Variants in DYM observed in about 807,000 individuals in gnomAD.
The protein encoded by DYM is dymeclin.
Under a neutral mutation model 93.1 loss-of-function variants are expected in DYM, and 78 were observed. The observed-to-expected ratio is 0.84, with a 90% CI of 0.70 to 1.01. The LOEUF is 1.01. Ranked by LOEUF, DYM falls within the 50% of genes least tolerant of loss-of-function variation. DYM has a pLI of 0.00. For missense variants in DYM, 789 were observed against 845.0 expected (o/e 0.93, Z 0.82); for synonymous variants, 321 against 319.7 (o/e 1.00, Z -0.04).
intron 15 of DYM, among the ~76,000 whole-genome samples, chr18:49,156,770 A>C (rs2086503255): frequency 6.7e-6 from 1 of 149,924 alleles, no homozygotes; most frequent in African/African-American, 2.5e-5. Context: ...GGAAGACAGC[A>C]TTTCTACCTA....
intron 8 of DYM, among the ~76,000 whole-genome samples, chr18:49,319,671 CTG>C (rs1289977399): frequency 1.3e-5 from 2 of 152,158 alleles, no homozygotes; most frequent in African/African-American, 4.8e-5. Context: ...AATGAGGAAA[CTG>C]GGGCTCAGCA....
intron 14 of DYM, chr18:49,208,786 A>G (rs1414817239): frequency 6.6e-6 from 1 of 152,140 alleles, no homozygotes; most frequent in Non-Finnish European, 1.5e-5. Flanking sequence ...CTAACAGTAT[A>G]GTGCTGGTAT....
intron 14 of DYM, among the ~76,000 whole-genome samples, chr18:49,181,402 AC>A (rs1167429220): frequency 1.3e-5 from 2 of 152,128 alleles, no homozygotes; most frequent in Non-Finnish European, 2.9e-5. Flanking sequence ...CGAGACACAA[AC>A]CAGCTGGTTT....
At chr18:49,233,695 A>G (rs2093776828) in intron 13 of DYM, among the ~76,000 whole-genome samples, 1 of 151,974 alleles carries the variant, frequency 6.6e-6, no homozygotes, top group Admixed American at 6.6e-5. Context: ...ACACTAACAG[A>G]TTTTTTTTAG....
At chr18:49,152,996 T>C (rs955273416) in intron 15 of DYM, among the ~76,000 whole-genome samples, 2 of 152,102 alleles carry the variant, frequency 1.3e-5, no homozygotes, top group Non-Finnish European at 2.9e-5. Context: ...GGAACAAACT[T>C]TCAGTTATGT....
intron 3 of DYM, among the ~76,000 whole-genome samples, chr18:49,387,275 A>C (rs2068723996): frequency 6.8e-6 from 1 of 148,050 alleles, no homozygotes; most frequent in African/African-American, 2.5e-5. Flanking sequence ...CTAATCAGTG[A>C]TCTCGTTTGT....
intron 14 of DYM, among the ~76,000 whole-genome samples, chr18:49,203,374 C>T (rs1382434306): frequency 3.1e-5 from 4 of 131,058 alleles, no homozygotes; most frequent in African/African-American, 9.1e-5. Flanking sequence ...TCATTGAGAA[C>T]GGGCCAGGAT....
intron 17 of DYM, among the ~76,000 whole-genome samples, chr18:49,080,230 C>T (rs2077753960): frequency 8.2e-6 from 1 of 122,046 alleles, no homozygotes; most frequent in African/African-American, 3.1e-5. Context: ...ACCTCCCTCT[C>T]GGACGGGGCG....
At chr18:49,354,401 G>A (rs1472950723) in intron 6 of DYM, among the ~76,000 whole-genome samples, 2 of 152,014 alleles carry the variant, frequency 1.3e-5, no homozygotes, top group Non-Finnish European at 2.9e-5. Context: ...TTCCTACTCT[G>A]TGAAAGACAT....
At chr18:49,323,450 T>C (rs1201703745) in intron 8 of DYM, among the ~76,000 whole-genome samples, 1 of 152,230 alleles carries the variant, frequency 6.6e-6, no homozygotes, top group Non-Finnish European at 1.5e-5. Flanking sequence ...TCAAAATTCC[T>C]ATCTTGAAGC....
At chr18:49,111,113 A>T (rs1038491219) in intron 16 of DYM, among the ~76,000 whole-genome samples, 3 of 152,078 alleles carry the variant, frequency 2.0e-5, no homozygotes, top group African/African-American at 7.3e-5. Context: ...AAAGGTTGGT[A>T]TATGTCTTCT....
intron 13 of DYM, among the ~76,000 whole-genome samples, chr18:49,217,960 A>T (rs2093157598): frequency 6.6e-6 from 1 of 152,230 alleles, no homozygotes; most frequent in Non-Finnish European, 1.5e-5. Flanking sequence ...ACAGACTGGC[A>T]AATTGGATAA....
intron 14 of DYM, among the ~76,000 whole-genome samples, chr18:49,175,693 T>C (rs2089295505): frequency 6.6e-6 from 1 of 152,182 alleles, no homozygotes; most frequent in Non-Finnish European, 1.5e-5. Context: ...TGACTAGCAG[T>C]ACACAGCATA....
At chr18:49,321,357 CCAT>C (rs1251708574) in intron 8 of DYM, 1 of 398,032 alleles carries the variant, frequency 2.5e-6, no homozygotes, top group Non-Finnish European at 4.4e-6. Context: ...ATGAAAGAGG[CCAT>C]CAGTCTTCCC....
chr18:49,149,773 C>G (rs2085610086), intron 15 of DYM, among the ~76,000 whole-genome samples: 1 of 125,128 alleles, frequency 8.0e-6, no homozygotes, highest in African/African-American at 3.0e-5. Context: ...GTGGCACAAT[C>G]TCGGCTCACT....
At chr18:49,315,429 T>A (rs1330749225) in intron 8 of DYM, among the ~76,000 whole-genome samples, 1 of 152,176 alleles carries the variant, frequency 6.6e-6, no homozygotes, top group Admixed American at 6.5e-5. Context: ...TCTTAAATAT[T>A]GAGTTTTATG....
At position 49,240,137 on chromosome 18, in the gene DYM, T is replaced by C. The variant is rs1254527617; in HGVS notation, c.1460+16873A>G. Among the ~76,000 whole-genome samples the C allele has an allele frequency of 1.2e-4, 19 of 152,298 alleles. No individual in the cohort carries two copies. The East Asian group carries it at 2.7e-3, about 22-fold the overall frequency. On this transcript the variant is annotated intron_variant, in intron 13 of 17. Coordinates refer to ENST00000675505, the MANE Select transcript of DYM (RefSeq NM_001353214.3). ...TATAGTTAAATATTGATTATACTGA[T>C]GGAAGGAAGGTATAATTCAGAAATA...
At chr18:49,273,579 T>C (rs2094768371) in intron 10 of DYM, among the ~76,000 whole-genome samples, 6 of 152,180 alleles carry the variant, frequency 3.9e-5, no homozygotes. Context: ...TATGTTTAGA[T>C]ACACAAACGC....
At chr18:49,391,391 T>G (rs771150396) in intron 3 of DYM, 7 of 574,972 alleles carry the variant, frequency 1.2e-5, no homozygotes, top group Non-Finnish European at 1.9e-5. Flanking sequence ...TTACCACTAC[T>G]GCAGATATAG....
Sources: allele counts gnomAD v4.1 joint callset (sites outside exome capture counted in the v4.1 genomes callset), GRCh38; gene constraint gnomAD v4.1.1; transcripts MANE v1.5; gene names NCBI Gene and HGNC (gene_info 2026-07-23, HGNC 2026-07-21).